Variants in ME3 observed in about 807,000 individuals in gnomAD.
ME3 encodes the protein malic enzyme 3, also known as NADP-dependent malic enzyme, mitochondrial.
ME3 carries 48 observed loss-of-function variants against 68.9 expected under a neutral mutation model. The observed-to-expected ratio is 0.70, with a 90% CI of 0.55 to 0.89. The LOEUF (loss-of-function observed/expected upper bound fraction) is 0.89, where lower values mean the gene tolerates loss of function less well. Among genes scored for constraint, ME3 ranks in the 40% least tolerant of loss-of-function variants. The pLI is 0.00. For synonymous variants in ME3, 320 were observed against 318.8 expected (o/e 1.00, Z -0.04); for missense variants, 675 against 797.4 (o/e 0.85, Z 1.85).
At chr11:86,467,950 C>T (rs1451213122) in intron 7 of ME3, among the ~76,000 whole-genome samples, 2 of 152,122 alleles carry the variant, frequency 1.3e-5, no homozygotes, top group African/African-American at 2.4e-5. Context: ...ATCCAATAAT[C>T]TGGATTCATA....
intron 7 of ME3, among the ~76,000 whole-genome samples, chr11:86,475,853 A>C (rs983975531): frequency 6.2e-5 from 5 of 80,900 alleles, no homozygotes; most frequent in African/African-American, 2.1e-4. Flanking sequence ...AATATTCAGT[A>C]TATATATATA....
intron 4 of ME3, among the ~76,000 whole-genome samples, chr11:86,517,599 C>T (rs1441985766): frequency 6.6e-6 from 1 of 152,160 alleles, no homozygotes; most frequent in Non-Finnish European, 1.5e-5. Flanking sequence ...AGGGACTTTG[C>T]ACTGCTTTTC....
chr11:86,542,011 A>G (rs1001477863), intron 4 of ME3, among the ~76,000 whole-genome samples: 1 of 152,216 alleles, frequency 6.6e-6, no homozygotes, highest in Non-Finnish European at 1.5e-5. Context: ...CCAGGCAAAC[A>G]GGGTCTGGAG....
At chr11:86,667,319 G>A (rs377432255) in intron 2 of ME3, among the ~76,000 whole-genome samples, 15 of 152,276 alleles carry the variant, frequency 9.9e-5, no homozygotes, top group Admixed American at 6.5e-4. Flanking sequence ...TGGCACACAC[G>A]GATCAAAGGG....
At chr11:86,450,814 G>T (rs1043409221) in intron 8 of ME3, among the ~76,000 whole-genome samples, 1 of 152,224 alleles carries the variant, frequency 6.6e-6, no homozygotes, top group African/African-American at 2.4e-5. Flanking sequence ...CATATGGCCT[G>T]AGCTGCCCAT....
intron 4 of ME3, among the ~76,000 whole-genome samples, chr11:86,533,755 A>T (rs1955433887): frequency 6.6e-6 from 1 of 152,224 alleles, no homozygotes; most frequent in South Asian, 2.1e-4. Context: ...ATACAGTCAC[A>T]GTGGATGTAT....
chr11:86,632,786 AGGG>A (rs971679657), intron 2 of ME3, among the ~76,000 whole-genome samples: 1 of 152,198 alleles, frequency 6.6e-6, no homozygotes, highest in African/African-American at 2.4e-5. Context: ...GGTTTCCTTC[AGGG>A]CAACCCAGGT....
chr11:86,671,929 C>G, exon 2 of ME3: 1 of 1,433,446 alleles, frequency 7.0e-7, no homozygotes, highest in African/African-American at 1.5e-5. Context: ...GTGCCTGTCC[C>G]CAGCGCGGCA....
intron 2 of ME3, among the ~76,000 whole-genome samples, chr11:86,661,155 G>T: frequency 6.6e-6 from 1 of 152,370 alleles, no homozygotes; most frequent in South Asian, 2.1e-4. Context: ...ACATGCACAT[G>T]ATGGCGATAC....
At chr11:86,446,907 C>A in intron 12 of ME3, 158 bp downstream of exon 12, 1 of 1,038,848 alleles carries the variant, frequency 9.6e-7, no homozygotes, top group Non-Finnish European at 1.4e-6. Flanking sequence ...GCCAGCTCCA[C>A]TCCTTATTAG....
intron 2 of ME3, among the ~76,000 whole-genome samples, chr11:86,652,872 C>T (rs1171505783): frequency 7.3e-5 from 11 of 150,476 alleles, no homozygotes; most frequent in African/African-American, 2.0e-4. Context: ...GAGACACACA[C>T]AGGCTCAAAA....
intron 4 of ME3, among the ~76,000 whole-genome samples, chr11:86,521,403 AC>A (rs1565893676): frequency 0.016 from 1,763 of 112,936 alleles, 45 homozygotes; most frequent in African/African-American, 0.035. Context: ...TCAAAAACAA[AC>A]AAACAAAACA....
At position 86,521,423 on chromosome 11, in the gene ME3, CA is replaced by C. The variant is rs201957441; in HGVS notation, c.468-12557del. On this transcript the variant is annotated intron_variant, in intron 4 of 14. Coordinates refer to ENST00000543262, the Ensembl canonical transcript of ME3. ...AACAAACAAACAAAACAAAACAAAACAAAACAAAAATAATAATAATAATAAT... is the reference window on the plus strand; with the variant it reads ...AACAAACAAACAAAACAAAACAAAACAAACAAAAATAATAATAATAATAAT... 7.0e-5 allele frequency among the ~76,000 whole-genome samples: 6 copies of C among 85,980 alleles called. No individual in the cohort carries two copies. The South Asian group carries it at 1.1e-3, about 16-fold the overall frequency. 56.4% of individuals were successfully genotyped at this position (85,980 alleles called of 152,430 possible). A position where few individuals can be genotyped will look rare whatever the true frequency, so the allele number is the denominator to read the frequency against.
intron 8 of ME3, among the ~76,000 whole-genome samples, chr11:86,453,763 C>G (rs1169283929): frequency 6.6e-6 from 1 of 152,178 alleles, no homozygotes; most frequent in Admixed American, 6.5e-5. Context: ...TTCTTCAACT[C>G]CATGGCAGCA....
At chr11:86,538,251 C>T (rs983727251) in intron 4 of ME3, among the ~76,000 whole-genome samples, 8 of 152,058 alleles carry the variant, frequency 5.3e-5, no homozygotes, top group African/African-American at 1.7e-4. Context: ...CAAGGAAAGA[C>T]GTTGGAATAG....
intron 2 of ME3, among the ~76,000 whole-genome samples, chr11:86,615,743 G>A (rs1238163191): frequency 2.0e-5 from 3 of 152,160 alleles, no homozygotes; most frequent in African/African-American, 7.2e-5. Context: ...TCAGCACTCT[G>A]ACCTTGAGGG....
chr11:86,481,088 C>T lies in ME3; in HGVS notation c.809+6249G>A, dbSNP rs575070210. 3.9e-5 allele frequency among the ~76,000 whole-genome samples: 6 copies of T among 152,186 alleles called. No homozygotes were observed. In the East Asian group the frequency reaches 9.7e-4, roughly 25 times the overall value. ...AGAGGGTCTCATTCTGTTGCCTAGG[C>T]TGGAGTGCAGCGATACCATCATAGC... On this transcript the variant is annotated intron_variant, in intron 7 of 14. Transcript: ENST00000543262.
chr11:86,632,571 C>CT (rs1944086820), intron 2 of ME3, among the ~76,000 whole-genome samples: 1 of 152,190 alleles, frequency 6.6e-6, no homozygotes, highest in Non-Finnish European at 1.5e-5. Flanking sequence ...GTCTCTATGT[C>CT]TGCAAAATGA....
intron 2 of ME3, among the ~76,000 whole-genome samples, chr11:86,599,644 G>A (rs1251133512): frequency 2.6e-5 from 4 of 152,258 alleles, no homozygotes; most frequent in South Asian, 2.1e-4. Context: ...CAAGACACAT[G>A]ATTGTCAGAT....
Sources: gnomAD v4.1 joint callset for allele counts (sites outside exome capture counted in the v4.1 genomes callset) on GRCh38, gnomAD v4.1.1 for gene constraint, MANE v1.5 for transcripts, NCBI Gene and HGNC (gene_info 2026-07-23, HGNC 2026-07-21) for gene names.